Variants in GABRA4 observed in about 807,000 individuals in gnomAD.
GABRA4 encodes gamma-aminobutyric acid type A receptor subunit alpha4, also known as gamma-aminobutyric acid receptor subunit alpha-4.
GABRA4 carries 12 observed loss-of-function variants against 49.7 expected under a neutral mutation model. The observed-to-expected ratio is 0.24, with a 90% CI of 0.15 to 0.39. The LOEUF is 0.39. Ranked by LOEUF, GABRA4 falls within the 10% of genes least tolerant of loss-of-function variation. The pLI is 1.00. For synonymous variants in GABRA4, 288 were observed against 240.2 expected, an observed-to-expected ratio of 1.20 and a Z score of -1.84; for missense variants, 506 against 686.0, an observed-to-expected ratio of 0.74 and a Z score of 2.93.
chr4:46,985,956 T>A (rs1038838773), intron 2 of GABRA4, among the ~76,000 whole-genome samples: 1 of 151,962 alleles, frequency 6.6e-6, no homozygotes, highest in African/African-American at 2.4e-5. Flanking sequence ...AAGAAAAACA[T>A]GTTATGGTCT....
At chr4:46,981,663 G>C (rs1174521211) in intron 2 of GABRA4, among the ~76,000 whole-genome samples, 1 of 152,080 alleles carries the variant, frequency 6.6e-6, no homozygotes, top group African/African-American at 2.4e-5. Context: ...AAAGAGCTAA[G>C]GTGCCATTAG....
intron 8 of GABRA4, among the ~76,000 whole-genome samples, chr4:46,947,223 C>T (rs1299514637): frequency 1.3e-5 from 2 of 151,940 alleles, no homozygotes; most frequent in Admixed American, 6.6e-5. Flanking sequence ...TGATAATGTT[C>T]GCTGTGAACT....
chr4:46,962,902 C>G (rs1318091252), intron 8 of GABRA4, among the ~76,000 whole-genome samples: 1 of 151,738 alleles, frequency 6.6e-6, no homozygotes, highest in East Asian at 1.9e-4. Context: ...CTGTATTATT[C>G]ATACGCAGAA....
At chr4:46,936,364 C>T (rs1202364188) in intron 8 of GABRA4, among the ~76,000 whole-genome samples, 1 of 152,182 alleles carries the variant, frequency 6.6e-6, no homozygotes, top group Non-Finnish European at 1.5e-5. Context: ...ATTCTCCTGC[C>T]TCAGCCTGCT....
Position 46,928,600 on chromosome 4 carries a change from A to T in GABRA4, c.1290T>A (p.Ala430=). Residue 430 remains alanine, a synonymous_variant, in exon 9 of 9, where the codon GCT becomes GCA. Transcript: ENST00000264318. The part of the protein sequence containing the change: ...SSKGTPRSYL[A]SSPNPFSRAN... ...CACGGCTGAATGGGTTTGGACTGGA[A>T]GCTAAGTAAGACCGAGGTGTGCCTT... 1 of 1,613,778 alleles carries T rather than the reference A, an allele frequency of 6.2e-7. No homozygotes were observed. The highest frequency in any genetic ancestry group is 1.1e-5 in the South Asian group (1 of 91,070).
chr4:46,938,363 A>G (rs1438148655), intron 8 of GABRA4, among the ~76,000 whole-genome samples: 3 of 152,144 alleles, frequency 2.0e-5, no homozygotes, highest in African/African-American at 4.8e-5. Context: ...TGCCAATCCT[A>G]TAGGAGGCTC....
intron 8 of GABRA4, among the ~76,000 whole-genome samples, chr4:46,940,172 A>G (rs1369501558): frequency 6.6e-6 from 1 of 152,116 alleles, no homozygotes; most frequent in African/African-American, 2.4e-5. Flanking sequence ...TCTATTCCCT[A>G]TCTTTCTTCC....
At position 46,976,475 on chromosome 4, in the gene GABRA4, A is replaced by G. The variant is rs191936715; in HGVS notation, c.577+586T>C. On this transcript the variant is annotated intron_variant, in intron 5 of 8. Transcript: ENST00000264318. ...CTTTTAGATAGAATCCAAACTCCTT[A>G]ATGTGCTGTATAAGGCATTATATTA... Among the ~76,000 whole-genome samples the G allele has an allele frequency of 2.0e-3, 296 of 151,078 alleles. 2 individuals are homozygous for G. Among genetic ancestry groups the G allele is most frequent in the Non-Finnish European group, 3.2e-3 (218 of 67,788 alleles).
At position 46,926,144 on chromosome 4, in the gene GABRA4, C is replaced by T. The variant is rs1721223370; in HGVS notation, c.*2081G>A. 1 of 151,826 alleles carries T rather than the reference C, an allele frequency of 6.6e-6. No individual in the cohort carries two copies. The highest frequency in any genetic ancestry group is 1.5e-5 in the Non-Finnish European group (1 of 67,864). 9.4% of individuals were successfully genotyped at this position (151,826 alleles called of 1,614,324 possible). The stretch of plus-strand genomic sequence containing the variant: ...CATCAGAATAGTGAACTATCAGTTT[C>T]CAGCATAGTTCCTGGAACAAAGTAC... On this transcript the variant is annotated 3_prime_UTR_variant, in exon 9 of 9. Transcript: ENST00000264318.
At chr4:46,971,327 T>C in intron 6 of GABRA4, 92 bp from the exon 7 acceptor site, 3 of 1,168,002 alleles carry the variant, frequency 2.6e-6, no homozygotes, top group Non-Finnish European at 3.8e-6. Flanking sequence ...CAAACAGGAT[T>C]CTAAGGAAAG....
chr4:46,972,747 C>T (rs552012089), intron 6 of GABRA4, among the ~76,000 whole-genome samples: 1 of 151,740 alleles, frequency 6.6e-6, no homozygotes, highest in South Asian at 2.1e-4. Flanking sequence ...TGACTAATAC[C>T]TCGCTGTTTC....
At chr4:46,931,399 C>T (rs1180994311) in intron 8 of GABRA4, among the ~76,000 whole-genome samples, 1 of 152,090 alleles carries the variant, frequency 6.6e-6, no homozygotes, top group Non-Finnish European at 1.5e-5. Flanking sequence ...AGTAACTTTA[C>T]TGCCCCCCAA....
Position 46,946,472 on chromosome 4 carries a change from A to G in GABRA4, c.1135-17717T>C, listed in dbSNP as rs143738068. Among the ~76,000 whole-genome samples, 20 of 152,172 alleles carry G rather than the reference A, an allele frequency of 1.3e-4. No individual in the cohort carries two copies. In the East Asian group the frequency reaches 3.3e-3, roughly 25 times the overall value. ...TAACCAAAGAAACAGCATTATGAGAATTGTTTTGTGTCCCATCAAGTATTG... is the reference window on the plus strand; with the variant it reads ...TAACCAAAGAAACAGCATTATGAGAGTTGTTTTGTGTCCCATCAAGTATTG... On this transcript the variant is annotated intron_variant, in intron 8 of 8. Transcript: ENST00000264318.
chr4:46,933,513 T>C (rs928268424), intron 8 of GABRA4, among the ~76,000 whole-genome samples: 2 of 152,278 alleles, frequency 1.3e-5, no homozygotes, highest in Admixed American at 6.5e-5. Flanking sequence ...GCTTAAATCA[T>C]TGCTCTCTGC....
rs1721007159 is a variant in GABRA4, at chr4:46,921,061, G to A, written c.*7164C>T. On this transcript the variant is annotated 3_prime_UTR_variant, in exon 9 of 9. Coordinates refer to ENST00000264318, the MANE Select transcript of GABRA4 (RefSeq NM_000809.4). ...TTCCATTTTTCCATTTTGAAGTGGA[G>A]ATGTTTGTCTCTAGTAAAAGGAAAG... 1 of 151,316 alleles carries A rather than the reference G, an allele frequency of 6.6e-6. No homozygotes were observed. Among genetic ancestry groups the A allele is most frequent in the African/African-American group, 2.4e-5 (1 of 41,296 alleles). The allele number at this position is 151,316 out of a possible 1,614,324, so 9.4% of individuals were successfully genotyped here.
chr4:46,946,624 C>A (rs372185528), intron 8 of GABRA4, among the ~76,000 whole-genome samples: 1 of 152,046 alleles, frequency 6.6e-6, no homozygotes, highest in East Asian at 1.9e-4. Flanking sequence ...CAACATTCTG[C>A]GAATAGGAAA....
At chr4:46,993,287 A>C (rs1723845512) in intron 1 of GABRA4, 52 bp downstream of exon 1, 1 of 1,485,210 alleles carries the variant, frequency 6.7e-7, no homozygotes, top group Non-Finnish European at 9.4e-7. Flanking sequence ...TCCCGGAGCT[A>C]GCCATTTCTC....
intron 2 of GABRA4, among the ~76,000 whole-genome samples, chr4:46,983,607 A>G (rs1437555800): frequency 1.3e-5 from 2 of 152,102 alleles, no homozygotes; most frequent in South Asian, 2.1e-4. Flanking sequence ...GGCAGGACCA[A>G]TCACAGGTTT....
chr4:46,948,615 T>C (rs2109355307), intron 8 of GABRA4, among the ~76,000 whole-genome samples: 1 of 152,204 alleles, frequency 6.6e-6, no homozygotes, highest in South Asian at 2.1e-4. Flanking sequence ...CTGAATTCGG[T>C]CTATCAAGCA....
Sources: allele counts gnomAD v4.1 joint callset (sites outside exome capture counted in the v4.1 genomes callset), GRCh38; gene constraint gnomAD v4.1.1; transcripts MANE v1.5; gene names NCBI Gene and HGNC (gene_info 2026-07-23, HGNC 2026-07-21).